FCHSD2: variants seen among roughly 807,000 people sequenced by gnomAD.
The protein encoded by FCHSD2 is F-BAR and double SH3 domains protein 2.
In FCHSD2, 38 loss-of-function variants were observed where a neutral mutation model predicts 108.1. That is an observed-to-expected ratio of 0.35 (90% CI 0.27 to 0.46). The LOEUF (loss-of-function observed/expected upper bound fraction) is 0.46. Among genes scored for constraint, FCHSD2 ranks in the 20% least tolerant of loss-of-function variants. FCHSD2 has a pLI of 1.00. For synonymous variants in FCHSD2, 279 were observed against 314.7 expected, an observed-to-expected ratio of 0.89 and a Z score of 1.20; for missense variants, 751 against 897.8, an observed-to-expected ratio of 0.84 and a Z score of 2.09.
Position 72,842,634 on chromosome 11 carries a change from A to C in FCHSD2, c.1913T>G (p.Met638Arg). 6.2e-7 allele frequency: 1 copy of C among 1,613,964 alleles called. No homozygotes were observed. The highest frequency in any genetic ancestry group is 8.5e-7 in the Non-Finnish European group (1 of 1,179,892). The change falls in exon 17 of 20, where the codon ATG becomes AGG. Residue 638 changes from methionine (M) to arginine (R), a missense_variant. Coordinates refer to ENST00000409418, the MANE Select transcript of FCHSD2 (RefSeq NM_014824.3). ...SASENGDTPW[M>R]REIQISPSPK... ...CCTCTCAGGTACCTGAATCTCTCTC[A>C]TCCATGGAGTGTCACCATTTTCTGA...
intron 3 of FCHSD2, among the ~76,000 whole-genome samples, chr11:73,033,648 TTAAA>T (rs1156711900): frequency 6.6e-6 from 1 of 152,218 alleles, no homozygotes; most frequent in Non-Finnish European, 1.5e-5. Context: ...ACTATGTTAA[TTAAA>T]TACTCAAACT....
chr11:73,130,194 T>C (rs1860963252), intron 2 of FCHSD2, among the ~76,000 whole-genome samples: 1 of 152,138 alleles, frequency 6.6e-6, no homozygotes, highest in Non-Finnish European at 1.5e-5. Context: ...TATATTTATA[T>C]ACCTGGGTGT....
intron 8 of FCHSD2, among the ~76,000 whole-genome samples, chr11:72,962,257 A>G: frequency 6.6e-6 from 1 of 152,216 alleles, no homozygotes; most frequent in East Asian, 1.9e-4. Flanking sequence ...AGTATGTGGT[A>G]TAGTTTTCTA....
intron 3 of FCHSD2, among the ~76,000 whole-genome samples, chr11:73,037,110 A>T (rs1858516033): frequency 6.6e-6 from 1 of 152,174 alleles, no homozygotes; most frequent in Admixed American, 6.5e-5. Context: ...CACATTTTTT[A>T]AAAATTACAG....
At chr11:72,930,177 G>A (rs1856160482) in intron 8 of FCHSD2, among the ~76,000 whole-genome samples, 1 of 152,192 alleles carries the variant, frequency 6.6e-6, no homozygotes, top group South Asian at 2.1e-4. Context: ...GTTGCTCCAT[G>A]AATGTAATTC....
intron 13 of FCHSD2, among the ~76,000 whole-genome samples, chr11:72,852,254 C>T (rs56271335): frequency 0.16 from 24,618 of 152,052 alleles, 2,409 homozygotes; most frequent in Non-Finnish European, 0.23. Context: ...AAAAAAGGGA[C>T]GCTTATACAC....
intron 13 of FCHSD2, among the ~76,000 whole-genome samples, chr11:72,852,794 C>T (rs1227081345): frequency 6.6e-6 from 1 of 152,064 alleles, no homozygotes; most frequent in East Asian, 1.9e-4. Context: ...TACATATATA[C>T]CATGAAATAC....
intron 12 of FCHSD2, among the ~76,000 whole-genome samples, chr11:72,879,671 C>T (rs1412096980): frequency 6.6e-6 from 1 of 152,034 alleles, no homozygotes; most frequent in Non-Finnish European, 1.5e-5. Context: ...GAGGAAATAT[C>T]CATAGGTTTT....
At chr11:73,017,483 C>T (rs1857999349) in intron 3 of FCHSD2, among the ~76,000 whole-genome samples, 1 of 152,192 alleles carries the variant, frequency 6.6e-6, no homozygotes, top group Admixed American at 6.5e-5. Flanking sequence ...ATCAACACTA[C>T]ACTCTACATG....
intron 3 of FCHSD2, among the ~76,000 whole-genome samples, chr11:73,079,713 C>T (rs1372857998): frequency 6.6e-6 from 1 of 151,942 alleles, no homozygotes; most frequent in African/African-American, 2.4e-5. Context: ...TGTCTATATA[C>T]TCAGAAAATA....
At chr11:73,016,904 C>A (rs540936769) in intron 3 of FCHSD2, among the ~76,000 whole-genome samples, 2 of 152,240 alleles carry the variant, frequency 1.3e-5, no homozygotes, top group East Asian at 3.9e-4. Context: ...ATTGAGAAGA[C>A]CATTTTGTTA....
chr11:73,049,872 T>TA (rs151320549), intron 3 of FCHSD2, among the ~76,000 whole-genome samples: 11 of 149,844 alleles, frequency 7.3e-5, no homozygotes, highest in South Asian at 6.3e-4. Context: ...AAAAGGACCA[T>TA]AAAAAAAAAA....
intron 2 of FCHSD2, among the ~76,000 whole-genome samples, chr11:73,095,423 A>G (rs1173493736): frequency 6.6e-6 from 1 of 152,242 alleles, no homozygotes; most frequent in Non-Finnish European, 1.5e-5. Context: ...CGAAAAATAC[A>G]TCTTAACTAC....
In FCHSD2 at chr11:72,837,762, C is replaced by T. The variant is rs891347299; in HGVS notation, c.*1029G>A. ...CAGGTTCTTCCTTCCACGGAAATGT[C>T]AGGGTAGTGGGACCTGGAAGCTGCA... is the stretch of plus-strand genomic sequence containing the variant. On this transcript the variant is annotated 3_prime_UTR_variant, in exon 20 of 20. Transcript: ENST00000409418. 6.6e-6 allele frequency: 1 copy of T among 152,254 alleles called. No homozygotes were observed. Among genetic ancestry groups the T allele is most frequent in the African/African-American group, 2.4e-5 (1 of 41,464 alleles). The allele number at this position is 152,254 out of a possible 1,614,324, so 9.4% of individuals were successfully genotyped here.
chr11:72,928,411 A>G (rs1277043242), intron 8 of FCHSD2, among the ~76,000 whole-genome samples: 1 of 152,140 alleles, frequency 6.6e-6, no homozygotes, highest in Admixed American at 6.5e-5. Flanking sequence ...TCCCAACTAT[A>G]CTGAGTCATT....
Position 72,960,751 on chromosome 11 carries a change from T to C in FCHSD2, c.705+23337A>G, listed in dbSNP as rs151167846. 3.8e-3 allele frequency among the ~76,000 whole-genome samples: 575 copies of C among 152,240 alleles called. 5 individuals carry two copies. Among genetic ancestry groups the C allele is most frequent in the Non-Finnish European group, 4.6e-3 (311 of 68,018 alleles). On this transcript the variant is annotated intron_variant, in intron 8 of 19. Transcript: ENST00000409418. ...TGGGAGTTGATGTGGAGAAAGGGTA[T>C]GGGGCAAGGGACAGGGCATAATAAA...
chr11:72,847,492 G>A (rs560592321), intron 14 of FCHSD2, among the ~76,000 whole-genome samples: 1 of 152,260 alleles, frequency 6.6e-6, no homozygotes, highest in East Asian at 1.9e-4. Context: ...CTCCCTTCAT[G>A]GACCTTTAGC....
At chr11:72,944,909 A>T (rs1856489202) in intron 8 of FCHSD2, among the ~76,000 whole-genome samples, 1 of 152,204 alleles carries the variant, frequency 6.6e-6, no homozygotes, top group African/African-American at 2.4e-5. Context: ...AAGGATACAA[A>T]CAAATGGAAG....
intron 10 of FCHSD2, among the ~76,000 whole-genome samples, chr11:72,895,307 A>G (rs1355214779): frequency 6.6e-6 from 1 of 152,212 alleles, no homozygotes; most frequent in African/African-American, 2.4e-5. Flanking sequence ...GAAAGGAGCT[A>G]TTCTTTTGTC....
Sources: gnomAD v4.1 joint callset for allele counts (sites outside exome capture counted in the v4.1 genomes callset) on GRCh38, gnomAD v4.1.1 for gene constraint, MANE v1.5 for transcripts, NCBI Gene and HGNC (gene_info 2026-07-23, HGNC 2026-07-21) for gene names.